SVEP1: variants seen among roughly 807,000 people sequenced by gnomAD.
The protein encoded by SVEP1 is sushi, von Willebrand factor type A, EGF and pentraxin domain containing 1.
In SVEP1, 164 loss-of-function variants were observed where a neutral mutation model predicts 367.3. That is an observed-to-expected ratio of 0.45 (90% CI 0.39 to 0.51). SVEP1 has a LOEUF of 0.51. Ranked by LOEUF, SVEP1 falls within the 20% of genes least tolerant of loss-of-function variation. The pLI is 0.00. For missense variants in SVEP1, 4,117 were observed against 4,425.3 expected (o/e 0.93, Z 1.98); for synonymous variants, 1,666 against 1,611.6 (o/e 1.03, Z -0.81).
In SVEP1 at chr9:110,366,642, GA is replaced by G. The variant is rs1419784017; in HGVS notation, c.10695-83del. 3 of 1,396,566 alleles carry G rather than the reference GA, an allele frequency of 2.1e-6. No homozygotes were observed. The African/African-American group carries it at 4.4e-5, about 20-fold the overall frequency. 86.5% of individuals were successfully genotyped at this position (1,396,566 alleles called of 1,614,324 possible). On this transcript the variant is annotated intron_variant, in intron 47 of 47. Transcript: ENST00000374469. ...AGCTAACATCTCTTTAGGAGTTGAT[GA>G]AAACAGGATTGAAAGTCCCAGATAC... is the stretch of plus-strand genomic sequence containing the variant.
At chr9:110,386,979 TAC>T (rs1827534060) in intron 42 of SVEP1, among the ~76,000 whole-genome samples, 1 of 80,090 alleles carries the variant, frequency 1.2e-5, no homozygotes, top group Non-Finnish European at 3.4e-5. Context: ...GAATTCATGA[TAC>T]ATCTTTCATT....
At chr9:110,503,810 T>G (rs1829578487) in intron 5 of SVEP1, among the ~76,000 whole-genome samples, 1 of 152,188 alleles carries the variant, frequency 6.6e-6, no homozygotes, top group African/African-American at 2.4e-5. Context: ...TAGCTCATGA[T>G]ACGAATCTTG....
intron 3 of SVEP1, among the ~76,000 whole-genome samples, chr9:110,540,224 T>A (rs1830127891): frequency 6.6e-6 from 1 of 152,078 alleles, no homozygotes; most frequent in African/African-American, 2.4e-5. Context: ...ATGAAGACAG[T>A]CATACTAGTA....
At chr9:110,435,867 T>C (rs1394727253) in intron 28 of SVEP1, among the ~76,000 whole-genome samples, 2 of 152,184 alleles carry the variant, frequency 1.3e-5, no homozygotes, top group Non-Finnish European at 2.9e-5. Context: ...TTATCTTTTA[T>C]AGATAAGAAA....
At position 110,479,647 on chromosome 9, in the gene SVEP1, G is replaced by C. The variant is rs754586914; in HGVS notation, c.2475C>G (p.Thr825=). The C allele has an allele frequency of 3.1e-6, 5 of 1,604,856 alleles. No individual in the cohort carries two copies. In the South Asian group the frequency reaches 3.4e-5, roughly 11 times the overall value. The stretch of plus-strand genomic sequence containing the variant: ...ACTATTGATGTACCATTTTTCCCAG[G>C]GTCGTCTCAAATGCTTCAGAAAACT... ...MKKFSEAFET[T]LGKMVPSFCS... The change falls in exon 13 of 48, where the codon ACC becomes ACG. Residue 825 remains threonine (T), a synonymous_variant. Coordinates refer to ENST00000374469, the MANE Select transcript of SVEP1 (RefSeq NM_153366.4).
At chr9:110,429,076 T>G in intron 35 of SVEP1, 67 bp downstream of exon 35, 1 of 1,342,272 alleles carries the variant, frequency 7.5e-7, no homozygotes, top group Non-Finnish European at 9.9e-7. Flanking sequence ...CTCAAAAAAA[T>G]TAAAATAAAA....
intron 39 of SVEP1, 103 bp from the exon 40 acceptor site, chr9:110,401,112 T>G: frequency 7.1e-7 from 1 of 1,400,722 alleles, no homozygotes; most frequent in East Asian, 2.4e-5. Context: ...TCCAAAATGA[T>G]AGTCAAAAGC....
chr9:110,502,750 A>T (rs565900453), intron 6 of SVEP1, among the ~76,000 whole-genome samples: 2 of 152,352 alleles, frequency 1.3e-5, no homozygotes, highest in African/African-American at 4.8e-5. Flanking sequence ...TTAAAAAAAA[A>T]TCCATCCAAA....
intron 3 of SVEP1, among the ~76,000 whole-genome samples, chr9:110,542,344 T>C (rs539326287): frequency 6.6e-6 from 1 of 152,190 alleles, no homozygotes; most frequent in South Asian, 2.1e-4. Flanking sequence ...GAATGAGGGG[T>C]TTAGAGCAGA....
chr9:110,381,878 G>A (rs1337999747), intron 43 of SVEP1, among the ~76,000 whole-genome samples: 1 of 152,082 alleles, frequency 6.6e-6, no homozygotes, highest in Non-Finnish European at 1.5e-5. Context: ...CTCCTGTACT[G>A]GGTGCCTATA....
intron 1 of SVEP1, among the ~76,000 whole-genome samples, chr9:110,558,461 T>A (rs1830381843): frequency 7.0e-6 from 1 of 142,508 alleles, no homozygotes; most frequent in Non-Finnish European, 1.5e-5. Flanking sequence ...TTGCAGTAAG[T>A]CATGATGGTG....
At chr9:110,540,693 A>G (rs1245026160) in intron 3 of SVEP1, among the ~76,000 whole-genome samples, 2 of 152,176 alleles carry the variant, frequency 1.3e-5, no homozygotes, top group Non-Finnish European at 2.9e-5. Flanking sequence ...AACATATCAT[A>G]TGCTATAAAA....
At position 110,411,561 on chromosome 9, in the gene SVEP1, A is replaced by G; in HGVS notation, c.6150T>C (p.Gly2050=). ...GDIAFYYCSD[G]YSLADNSQLL... Reference sequence around the variant, plus strand: ...GCTGGGAATTGTCTGCTAGGCTGTAACCATCAGAGCAGTAGTAGAATGCAA... The same window carrying G: ...GCTGGGAATTGTCTGCTAGGCTGTAGCCATCAGAGCAGTAGTAGAATGCAA... Residue 2050 remains glycine, a synonymous_variant, in exon 37 of 48, where the codon GGT becomes GGC. Transcript: ENST00000374469. 1.9e-6 allele frequency: 3 copies of G among 1,614,000 alleles called. No homozygotes were observed. The highest frequency in any genetic ancestry group is 2.5e-6 in the Non-Finnish European group (3 of 1,179,894).
At chr9:110,558,561 G>C (rs896877411) in intron 1 of SVEP1, among the ~76,000 whole-genome samples, 1 of 148,878 alleles carries the variant, frequency 6.7e-6, no homozygotes, top group African/African-American at 2.5e-5. Context: ...TGTATTACTA[G>C]GATTTAGAAA....
At chr9:110,533,306 T>C (rs1017045899) in intron 3 of SVEP1, among the ~76,000 whole-genome samples, 1 of 152,216 alleles carries the variant, frequency 6.6e-6, no homozygotes, top group African/African-American at 2.4e-5. Flanking sequence ...AGCAAGCTTT[T>C]ATTCACATCT....
chr9:110,506,318 T>TGAC (rs1460721182), intron 5 of SVEP1, among the ~76,000 whole-genome samples: 1 of 152,186 alleles, frequency 6.6e-6, no homozygotes, highest in Non-Finnish European at 1.5e-5. Context: ...AAAGACCTCA[T>TGAC]GACTAAAACA....
chr9:110,544,069 A>C (rs929921228), intron 3 of SVEP1, among the ~76,000 whole-genome samples: 1 of 152,076 alleles, frequency 6.6e-6, no homozygotes, highest in Non-Finnish European at 1.5e-5. Flanking sequence ...GGCCAGAGGA[A>C]GCAGGAAAAA....
At chr9:110,402,387 T>A (rs1382539328) in intron 39 of SVEP1, among the ~76,000 whole-genome samples, 2 of 152,188 alleles carry the variant, frequency 1.3e-5, no homozygotes, top group Non-Finnish European at 2.9e-5. Flanking sequence ...TCCATGTATT[T>A]ATTTTATGAA....
intron 36 of SVEP1, among the ~76,000 whole-genome samples, chr9:110,415,180 T>G (rs1828100591): frequency 6.6e-6 from 1 of 152,080 alleles, no homozygotes; most frequent in Non-Finnish European, 1.5e-5. Context: ...ACTTCTTGCT[T>G]CTTTCTTTCC....
Sources: gnomAD v4.1 joint callset for allele counts (sites outside exome capture counted in the v4.1 genomes callset) on GRCh38, gnomAD v4.1.1 for gene constraint, MANE v1.5 for transcripts, NCBI Gene and HGNC (gene_info 2026-07-23, HGNC 2026-07-21) for gene names.